Variants in PCBP3 observed in about 807,000 individuals in gnomAD.
The protein encoded by PCBP3 is poly(rC) binding protein 3, also known as poly(rC)-binding protein 3.
Under a neutral mutation model 52.7 loss-of-function variants are expected in PCBP3, and 25 were observed. The ratio of observed to expected loss-of-function variants is 0.47; its 90% CI spans 0.35 to 0.66. PCBP3 has a LOEUF of 0.66. PCBP3 is among the 30% of genes least tolerant of loss of function. The pLI is 0.01. For missense variants in PCBP3, 391 were observed against 490.3 expected, an observed-to-expected ratio of 0.80 and a Z score of 1.91; for synonymous variants, 162 against 183.0, an observed-to-expected ratio of 0.89 and a Z score of 0.93.
intron 4 of PCBP3, among the ~76,000 whole-genome samples, chr21:45,819,047 A>G (rs541791316): frequency 1.3e-5 from 2 of 152,356 alleles, no homozygotes; most frequent in East Asian, 3.9e-4. Flanking sequence ...TACTTTTACT[A>G]CAGGGAAAAT....
intron 1 of PCBP3, among the ~76,000 whole-genome samples, chr21:45,663,458 G>A (rs566433417): frequency 5.9e-5 from 9 of 152,046 alleles, no homozygotes; most frequent in Non-Finnish European, 8.8e-5. Flanking sequence ...AAAACCCACC[G>A]ACCCTGTGGG....
Position 45,814,875 on chromosome 21 carries a change from T to G in PCBP3, c.-125-35086T>G, listed in dbSNP as rs1387456375. On this transcript the variant is annotated intron_variant, in intron 4 of 17. Coordinates refer to ENST00000681687, the MANE Select transcript of PCBP3 (RefSeq NM_001384156.1). Reference sequence around the variant, plus strand: ...GTGGTGAGTGATGAGTGGTGACTGGTGAGTGAGTGGTGAGTGATGAGTGGT... The same window carrying G: ...GTGGTGAGTGATGAGTGGTGACTGGGGAGTGAGTGGTGAGTGATGAGTGGT... Among the ~76,000 whole-genome samples, 26 of 102,636 alleles carry G rather than the reference T, an allele frequency of 2.5e-4. 2 individuals are homozygous for G. The highest frequency in any genetic ancestry group is 8.6e-4 in the African/African-American group (21 of 24,300). The allele number at this position is 102,636 out of a possible 152,430, so 67.3% of individuals were successfully genotyped here. A position where few individuals can be genotyped will look rare whatever the true frequency, so the allele number is the denominator to read the frequency against.
chr21:45,886,423 G>C (rs2095524260), intron 5 of PCBP3, among the ~76,000 whole-genome samples: 2 of 145,540 alleles, frequency 1.4e-5, no homozygotes, highest in African/African-American at 2.6e-5. Context: ...CCTCATTGCT[G>C]CGGGTGCCAA....
chr21:45,903,667 A>G (rs2096125109), intron 9 of PCBP3, among the ~76,000 whole-genome samples: 2 of 152,256 alleles, frequency 1.3e-5, no homozygotes. Context: ...GAGGTGGATG[A>G]CAACCAGGGG....
intron 4 of PCBP3, among the ~76,000 whole-genome samples, chr21:45,797,024 C>T (rs1603430438): frequency 6.6e-6 from 1 of 152,208 alleles, no homozygotes; most frequent in South Asian, 2.1e-4. Context: ...GGTGGTAATA[C>T]TGGCTCAGTG....
chr21:45,848,695 T>G (rs1054201594), intron 4 of PCBP3, among the ~76,000 whole-genome samples: 7 of 152,248 alleles, frequency 4.6e-5, no homozygotes, highest in African/African-American at 1.4e-4. Context: ...TTTGTGTTCC[T>G]GGTGTTTTTA....
At chr21:45,834,217 G>A (rs1023270644) in intron 4 of PCBP3, among the ~76,000 whole-genome samples, 6 of 152,226 alleles carry the variant, frequency 3.9e-5, no homozygotes, top group African/African-American at 1.4e-4. Flanking sequence ...GGCCTCTCAG[G>A]AAGATGCCGC....
intron 2 of PCBP3, among the ~76,000 whole-genome samples, chr21:45,681,497 G>A (rs988818126): frequency 3.9e-5 from 6 of 152,102 alleles, no homozygotes; most frequent in Admixed American, 2.0e-4. Context: ...TGAAAGTGTC[G>A]TAAGTGAAAA....
At chr21:45,768,002 A>T (rs2145717537) in intron 4 of PCBP3, among the ~76,000 whole-genome samples, 1 of 152,370 alleles carries the variant, frequency 6.6e-6, no homozygotes, top group South Asian at 2.1e-4. Context: ...TAGTTTTAGG[A>T]CCAGTGTCAC....
rs1037006826 is a variant in PCBP3 at position 45,794,200 on chromosome 21, TAATGATTTACAAGGAACCATTGTA to T, written c.-126+38767_-126+38790del. 1.7e-4 allele frequency among the ~76,000 whole-genome samples: 26 copies of T among 152,344 alleles called. 1 individual carries two copies. Among genetic ancestry groups the T allele is most frequent in the African/African-American group, 5.3e-4 (22 of 41,586 alleles). ...TATAGAAATGAAGGCTTAAATGGATTAATGATTTACAAGGAACCATTGTAAATGATTTACAAGGAACCCTGGCTC... is the reference window on the plus strand; with the variant it reads ...TATAGAAATGAAGGCTTAAATGGATTAATGATTTACAAGGAACCCTGGCTC... On this transcript the variant is annotated intron_variant, in intron 4 of 17. Coordinates refer to ENST00000681687, the MANE Select transcript of PCBP3 (RefSeq NM_001384156.1).
intron 5 of PCBP3, among the ~76,000 whole-genome samples, chr21:45,891,398 G>A (rs1025314701): frequency 6.6e-6 from 1 of 152,232 alleles, no homozygotes; most frequent in Non-Finnish European, 1.5e-5. Context: ...TTTTCCCACG[G>A]TGGAATTCTA....
chr21:45,868,985 G>C (rs1447541232), intron 5 of PCBP3, among the ~76,000 whole-genome samples: 1 of 152,204 alleles, frequency 6.6e-6, no homozygotes, highest in Admixed American at 6.5e-5. Flanking sequence ...CAATTCAGAC[G>C]CCCCAGCTGG....
chr21:45,686,482 C>T (rs577139542), intron 2 of PCBP3, among the ~76,000 whole-genome samples: 2 of 152,204 alleles, frequency 1.3e-5, no homozygotes, highest in East Asian at 1.9e-4. Flanking sequence ...CGACAAAATC[C>T]AGACACTTAA....
At chr21:45,744,439 T>G (rs543495027) in intron 3 of PCBP3, 2 of 152,106 alleles carry the variant, frequency 1.3e-5, no homozygotes, top group East Asian at 1.9e-4. Context: ...TCAAGTGATC[T>G]TCCTGCCACG....
chr21:45,698,153 A>G (rs2082899243), intron 2 of PCBP3, among the ~76,000 whole-genome samples: 3 of 152,338 alleles, frequency 2.0e-5, no homozygotes, highest in Middle Eastern at 3.4e-3. Flanking sequence ...CCTTACTGCA[A>G]CATCCCTATG....
chr21:45,686,668 TA>T lies in PCBP3; in HGVS notation c.-200+17719del, dbSNP rs2082172800. ...AGTATTATAAATATGTAGAAGTACT[TA>T]AAGGGCAACATGAACATAGTATAAG... On this transcript the variant is annotated intron_variant, in intron 2 of 17. Coordinates refer to ENST00000681687, the MANE Select transcript of PCBP3 (RefSeq NM_001384156.1). 1.3e-5 allele frequency among the ~76,000 whole-genome samples: 2 copies of T among 152,078 alleles called. 1 individual carries two copies. Among genetic ancestry groups the T allele is most frequent in the South Asian group, 4.1e-4 (2 of 4,830 alleles).
intron 2 of PCBP3, among the ~76,000 whole-genome samples, chr21:45,674,667 CTGAAAGTTT>C (rs1569103533): frequency 6.6e-6 from 1 of 152,120 alleles, no homozygotes; most frequent in Non-Finnish European, 1.5e-5. Context: ...ACTTAGGAAA[CTGAAAGTTT>C]TGGTTTAATA....
At chr21:45,847,613 C>T (rs1239196090) in intron 4 of PCBP3, among the ~76,000 whole-genome samples, 2 of 152,216 alleles carry the variant, frequency 1.3e-5, no homozygotes, top group African/African-American at 4.8e-5. Flanking sequence ...TTTGGTCACA[C>T]TTTATTTTTA....
At chr21:45,691,402 C>A (rs999690127) in intron 2 of PCBP3, among the ~76,000 whole-genome samples, 1 of 140,344 alleles carries the variant, frequency 7.1e-6, no homozygotes, top group African/African-American at 2.7e-5. Flanking sequence ...ATATATATCT[C>A]ATATATATAT....
Sources: allele counts gnomAD v4.1 joint callset (sites outside exome capture counted in the v4.1 genomes callset), GRCh38; gene constraint gnomAD v4.1.1; transcripts MANE v1.5; gene names NCBI Gene and HGNC (gene_info 2026-07-23, HGNC 2026-07-21).